RANBP2: variants seen among roughly 807,000 people sequenced by gnomAD.
RANBP2 encodes RAN binding protein 2, also known as E3 SUMO-protein ligase RanBP2.
A neutral mutation model predicts 303.6 loss-of-function variants in RANBP2; 57 were observed. That is an observed-to-expected ratio of 0.19 (90% CI 0.15 to 0.23). The LOEUF (loss-of-function observed/expected upper bound fraction) is 0.23. Ranked by LOEUF, RANBP2 falls within the 10% of genes least tolerant of loss-of-function variation. RANBP2 has a pLI of 1.00. For synonymous variants in RANBP2, 1,167 were observed against 1,301.5 expected (o/e 0.90, Z 2.23); for missense variants, 3,138 against 3,780.8 (o/e 0.83, Z 4.46).
At chr2:109,643,061 AG>A in the RANBP2 span, among the ~76,000 whole-genome samples, 1 of 152,074 alleles carries the variant, frequency 6.6e-6, no homozygotes, top group Non-Finnish European at 1.5e-5. Context: ...CACATCTATA[AG>A]TCCCAGCTAC....
chr2:109,129,876 C>T, the RANBP2 span: 5 of 1,522,240 alleles, frequency 3.3e-6, no homozygotes, highest in East Asian at 1.3e-4. Flanking sequence ...CCGCCAACAT[C>T]TTGCTGGTGC....
At chr2:109,408,224 C>T in the RANBP2 span, among the ~76,000 whole-genome samples, 1 of 152,204 alleles carries the variant, frequency 6.6e-6, no homozygotes, top group Non-Finnish European at 1.5e-5. Flanking sequence ...GCACACAGTC[C>T]ATGCCTCAGA....
the RANBP2 span, among the ~76,000 whole-genome samples, chr2:109,405,317 A>G: frequency 1.3e-5 from 2 of 152,050 alleles, no homozygotes; most frequent in South Asian, 4.2e-4. Flanking sequence ...AGGTGCCCTG[A>G]GCTAACACTC....
chr2:109,765,666 A>G, the RANBP2 span, among the ~76,000 whole-genome samples: 7 of 150,490 alleles, frequency 4.7e-5, no homozygotes. Flanking sequence ...GAAGACTGTG[A>G]ATAGAAACAT....
At chr2:109,417,030 C>T in the RANBP2 span, among the ~76,000 whole-genome samples, 2 of 152,278 alleles carry the variant, frequency 1.3e-5, no homozygotes, top group East Asian at 1.9e-4. Context: ...GCCAGGTCAT[C>T]GAGTGTCAGT....
At chr2:108,850,273 T>C in the RANBP2 span, among the ~76,000 whole-genome samples, 1 of 152,190 alleles carries the variant, frequency 6.6e-6, no homozygotes, top group African/African-American at 2.4e-5. Flanking sequence ...ATAAATTTAG[T>C]AGAAAATGAG....
the RANBP2 span, among the ~76,000 whole-genome samples, chr2:109,053,089 G>A: frequency 6.6e-6 from 1 of 152,126 alleles, no homozygotes; most frequent in Non-Finnish European, 1.5e-5. Context: ...GGAGGGTGAG[G>A]GCGCTGTGGT....
chr2:109,343,829 C>T, the RANBP2 span, among the ~76,000 whole-genome samples: 3 of 151,814 alleles, frequency 2.0e-5, no homozygotes, highest in Admixed American at 1.3e-4. Flanking sequence ...ACTGCAGCCT[C>T]GAACTCCCAG....
the RANBP2 span, chr2:108,930,370 G>C: frequency 7.4e-5 from 73 of 987,994 alleles, 1 homozygote; most frequent in Non-Finnish European, 8.8e-5. Flanking sequence ...GCTCGGTCTG[G>C]GAAGGTGCCC....
At chr2:109,078,249 ATATATATATATATAGCGCG>A in the RANBP2 span, among the ~76,000 whole-genome samples, 2 of 39,224 alleles carry the variant, frequency 5.1e-5, no homozygotes, top group African/African-American at 2.2e-4. Flanking sequence ...TATAGCGTGT[ATATATATATATATAGCGCG>A]TATATATATA....
At chr2:109,141,984 T>A in the RANBP2 span, among the ~76,000 whole-genome samples, 1 of 151,936 alleles carries the variant, frequency 6.6e-6, no homozygotes, top group African/African-American at 2.4e-5. Context: ...CCTCCTCTGG[T>A]GTGTGGCCAT....
the RANBP2 span, among the ~76,000 whole-genome samples, chr2:109,596,325 G>C: frequency 1.3e-5 from 2 of 152,100 alleles, no homozygotes; most frequent in Non-Finnish European, 2.9e-5. Context: ...AAAAAAATTA[G>C]AGGCTTTAGG....
chr2:109,180,738 T>C, the RANBP2 span, among the ~76,000 whole-genome samples: 1 of 152,186 alleles, frequency 6.6e-6, no homozygotes, highest in South Asian at 2.1e-4. Context: ...TCCCCAGCCA[T>C]GTGGAACTGT....
intron 1 of RANBP2, among the ~76,000 whole-genome samples, chr2:108,724,843 G>T (rs546440428): frequency 1.3e-5 from 2 of 151,696 alleles, no homozygotes; most frequent in Non-Finnish European, 2.9e-5. Context: ...GGACTCCACA[G>T]ATTTGGAGCT....
chr2:108,862,154 A>G, the RANBP2 span, among the ~76,000 whole-genome samples: 1 of 151,342 alleles, frequency 6.6e-6, no homozygotes, highest in Non-Finnish European at 1.5e-5. Flanking sequence ...GCAGATGAGA[A>G]GAATATATAT....
At chr2:108,840,151 A>G in the RANBP2 span, among the ~76,000 whole-genome samples, 7 of 152,236 alleles carry the variant, frequency 4.6e-5, no homozygotes, top group South Asian at 1.4e-3. Context: ...TATGAATTAC[A>G]TTGACTTTGA....
At chr2:109,162,997 C>T in the RANBP2 span, among the ~76,000 whole-genome samples, 19 of 152,156 alleles carry the variant, frequency 1.2e-4, no homozygotes, top group African/African-American at 4.6e-4. Flanking sequence ...CTGAGGGACT[C>T]CTTTGATTTG....
the RANBP2 span, among the ~76,000 whole-genome samples, chr2:109,359,653 C>T: frequency 6.6e-6 from 1 of 152,134 alleles, no homozygotes; most frequent in Non-Finnish European, 1.5e-5. Flanking sequence ...CCAGAATGCT[C>T]CAAAATCCAA....
chr2:109,427,158 G>A, the RANBP2 span, among the ~76,000 whole-genome samples: 4 of 151,892 alleles, frequency 2.6e-5, no homozygotes, highest in South Asian at 2.1e-4. Context: ...TAGTAGAGAC[G>A]GGGTTTCACC....
Sources: allele counts gnomAD v4.1 joint callset (sites outside exome capture counted in the v4.1 genomes callset), GRCh38; gene constraint gnomAD v4.1.1; transcripts MANE v1.5; gene names NCBI Gene and HGNC (gene_info 2026-07-23, HGNC 2026-07-21).